Variants in PCDH7 observed in about 807,000 individuals in gnomAD.
The protein encoded by PCDH7 is protocadherin-7.
Under a neutral mutation model 58.9 loss-of-function variants are expected in PCDH7, and 17 were observed. The observed-to-expected ratio is 0.29, with a 90% CI of 0.20 to 0.43. PCDH7 has a LOEUF of 0.43. PCDH7 is among the 20% of genes least tolerant of loss of function. The pLI, the probability that PCDH7 is intolerant of heterozygous loss-of-function variation, is 1.00. For synonymous variants in PCDH7, 664 were observed against 616.4 expected, an observed-to-expected ratio of 1.08 and a Z score of -1.14; for missense variants, 1,274 against 1,441.0, an observed-to-expected ratio of 0.88 and a Z score of 1.88.
intron 2 of PCDH7, among the ~76,000 whole-genome samples, chr4:30,926,534 T>C (rs6839111): frequency 0.25 from 38,414 of 152,204 alleles, 5,073 homozygotes; most frequent in African/African-American, 0.33. Flanking sequence ...GAGGACTTCA[T>C]AAAATGCTCA....
intron 1 of PCDH7, among the ~76,000 whole-genome samples, chr4:30,743,697 T>C (rs1421585579): frequency 6.6e-6 from 1 of 151,802 alleles, no homozygotes; most frequent in African/African-American, 2.4e-5. Context: ...GCTCCTTCAA[T>C]CCTTCTTCTC....
At chr4:30,734,226 A>C (rs1411482333), downstream of PCDH7, among the ~76,000 whole-genome samples, 3 of 150,078 alleles carry the variant, frequency 2.0e-5, no homozygotes, top group South Asian at 6.5e-4. Flanking sequence ...AAAATGTATT[A>C]ATTTTCTATC....
At chr4:31,056,458 G>GTAGGAAAGA (rs1757195412) in intron 3 of PCDH7, among the ~76,000 whole-genome samples, 1 of 83,156 alleles carries the variant, frequency 1.2e-5, no homozygotes, top group African/African-American at 5.7e-5. Context: ...AAGAAAGAAA[G>GTAGGAAAGA]AAGAAAGAAA....
chr4:30,898,460 C>G (rs949241903), intron 1 of PCDH7, among the ~76,000 whole-genome samples: 9 of 152,254 alleles, frequency 5.9e-5, no homozygotes, highest in African/African-American at 2.2e-4. Context: ...CAGCTCCATC[C>G]GAATGTAATT....
At chr4:30,917,045 T>C (rs763079037) in intron 1 of PCDH7, among the ~76,000 whole-genome samples, 17 of 152,178 alleles carry the variant, frequency 1.1e-4, no homozygotes, top group Non-Finnish European at 2.4e-4. Context: ...TGCAAATTCA[T>C]TCTCTGTCAG....
At chr4:30,970,179 T>G (rs1327699491) in intron 3 of PCDH7, among the ~76,000 whole-genome samples, 1 of 152,228 alleles carries the variant, frequency 6.6e-6, no homozygotes, top group Non-Finnish European at 1.5e-5. Flanking sequence ...CCTATTGTGC[T>G]CTAGGAATTT....
chr4:30,966,132 TCTTG>T (rs1209297328), intron 3 of PCDH7, among the ~76,000 whole-genome samples: 1 of 152,156 alleles, frequency 6.6e-6, no homozygotes, highest in African/African-American at 2.4e-5. Context: ...CATTGCGGAT[TCTTG>T]ACTGCTGCTG....
At position 30,974,306 on chromosome 4, in the gene PCDH7, T is replaced by G. The variant is rs1578461557; in HGVS notation, c.*7+24091T>G. ...TTCTGTCTTTGATTACTAAATGTAT[T>G]TCTTCTCATGACCTGGGGAGGAAAA... On this transcript the variant is annotated intron_variant, in intron 3 of 3. Coordinates refer to the PCDH7 transcript ENST00000509759. 2.6e-5 allele frequency among the ~76,000 whole-genome samples: 4 copies of G among 151,858 alleles called. No homozygotes were observed. In the South Asian group the frequency reaches 8.3e-4, roughly 32 times the overall value.
At chr4:30,746,249 A>T (rs182418271) in intron 1 of PCDH7, among the ~76,000 whole-genome samples, 2 of 152,316 alleles carry the variant, frequency 1.3e-5, no homozygotes, top group African/African-American at 4.8e-5. Context: ...AAAATGATTA[A>T]AAAGAAGCCA....
At chr4:30,975,452 C>T (rs1749986906) in intron 3 of PCDH7, among the ~76,000 whole-genome samples, 1 of 152,072 alleles carries the variant, frequency 6.6e-6, no homozygotes, top group African/African-American at 2.4e-5. Context: ...GAATATTTTA[C>T]TCATACATGC....
intron 3 of PCDH7, among the ~76,000 whole-genome samples, chr4:30,966,281 G>A (rs191935573): frequency 6.6e-6 from 1 of 152,238 alleles, no homozygotes; most frequent in African/African-American, 2.4e-5. Context: ...TTTCAACTTT[G>A]AGTCACACAT....
chr4:30,851,890 C>T (rs1732802986), intron 1 of PCDH7, among the ~76,000 whole-genome samples: 1 of 152,022 alleles, frequency 6.6e-6, no homozygotes, highest in Admixed American at 6.6e-5. Flanking sequence ...CTCCTAAAAC[C>T]TAATGCACAT....
At chr4:30,764,633 C>G (rs911952837) in intron 1 of PCDH7, among the ~76,000 whole-genome samples, 1 of 152,104 alleles carries the variant, frequency 6.6e-6, no homozygotes, top group Non-Finnish European at 1.5e-5. Flanking sequence ...TTCACTAGAT[C>G]TTTATTGGTA....
At chr4:31,049,588 A>T (rs1328716055) in intron 3 of PCDH7, among the ~76,000 whole-genome samples, 2 of 152,106 alleles carry the variant, frequency 1.3e-5, no homozygotes, top group South Asian at 2.1e-4. Context: ...GACCCAAATT[A>T]GGTTTAGGTA....
chr4:30,862,030 T>C (rs1429679046), intron 1 of PCDH7, among the ~76,000 whole-genome samples: 9 of 152,156 alleles, frequency 5.9e-5, no homozygotes, highest in Non-Finnish European at 1.2e-4. Flanking sequence ...TGAAAGGGAC[T>C]ACAGAAATGA....
At chr4:30,756,935 C>T (rs1719384029) in intron 1 of PCDH7, among the ~76,000 whole-genome samples, 1 of 152,226 alleles carries the variant, frequency 6.6e-6, no homozygotes, top group Non-Finnish European at 1.5e-5. Context: ...AGGCTTGGAT[C>T]TTTCAGCCTT....
intron 1 of PCDH7, among the ~76,000 whole-genome samples, chr4:30,795,514 C>T (rs1281116303): frequency 6.6e-6 from 1 of 152,196 alleles, no homozygotes. Flanking sequence ...GAATTGGTCT[C>T]AGTGCAAAGC....
intron 2 of PCDH7, among the ~76,000 whole-genome samples, chr4:30,923,981 A>C (rs1316530462): frequency 6.6e-6 from 1 of 152,196 alleles, no homozygotes; most frequent in African/African-American, 2.4e-5. Flanking sequence ...CAAGTTAAAA[A>C]CCAAACATTA....
intron 1 of PCDH7, among the ~76,000 whole-genome samples, chr4:30,725,798 G>A (rs1223565101): frequency 1.3e-5 from 2 of 152,064 alleles, no homozygotes; most frequent in Non-Finnish European, 2.9e-5. Flanking sequence ...TTATTTTATA[G>A]CCTCATTGAA....
Sources: gnomAD v4.1 joint callset for allele counts (sites outside exome capture counted in the v4.1 genomes callset) on GRCh38, gnomAD v4.1.1 for gene constraint, MANE v1.5 for transcripts, NCBI Gene and HGNC (gene_info 2026-07-23, HGNC 2026-07-21) for gene names.